The following PLEC variants were observed in gnomAD, a reference collection of about 807,000 sequenced individuals.
PLEC encodes hemidesmosomal protein 1.
A neutral mutation model predicts 392.8 loss-of-function variants in PLEC; 216 were observed. The ratio of observed to expected loss-of-function variants is 0.55; its 90% CI spans 0.49 to 0.62. PLEC has a LOEUF of 0.62. Ranked by LOEUF, PLEC falls within the 20% of genes least tolerant of loss-of-function variation. The probability of loss-of-function intolerance (pLI) is 0.00; values close to 1 mark genes in which losing one functional copy is unlikely to be tolerated. For missense variants in PLEC, 6,863 were observed against 6,563.4 expected (o/e 1.05, Z -1.58); for synonymous variants, 3,621 against 2,980.6 (o/e 1.21, Z -7.00).
exon 1 of PLEC, chr8:143,950,378 G>A (rs782141904): frequency 6.3e-7 from 1 of 1,597,518 alleles, no homozygotes. Context: ...GGTGCGGCGT[G>A]CGGGCATCAC....
chr8:143,945,517 C>A (rs560844445), intron 1 of PLEC, among the ~76,000 whole-genome samples: 4 of 152,332 alleles, frequency 2.6e-5, no homozygotes, highest in South Asian at 2.1e-4. Flanking sequence ...GCTGGGCGCA[C>A]CCCTCAGGCC....
rs185859960 is a variant in PLEC at position 143,929,155 on chromosome 8, T to C, written c.3208A>G (p.Thr1070Ala). The C allele has an allele frequency of 6.5e-5, 104 of 1,593,136 alleles. No homozygotes were observed. In the African/African-American group the frequency reaches 1.2e-3, roughly 19 times the overall value. ...CGGACCTGCTCCAGCTTGCCCAGCGTCAGCTCCAGCTCCGAGCGCAGCGTG... is the reference window on the plus strand; with the variant it reads ...CGGACCTGCTCCAGCTTGCCCAGCGCCAGCTCCAGCTCCGAGCGCAGCGTG... ...APTLRSELEL[T>A]LGKLEQVRSL... Residue 1070 changes from threonine (T) to alanine (A), a missense_variant, in exon 25 of 32, where the codon ACG becomes GCG. By Grantham distance (58) the Thr-to-Ala change is moderately conservative. Transcript: ENST00000345136.
chr8:143,918,642 G>A lies in PLEC; in HGVS notation c.11179C>T (p.Gln3727Ter). 6.2e-7 allele frequency: 1 copy of A among 1,612,868 alleles called. No individual in the cohort carries two copies. Among genetic ancestry groups the A allele is most frequent in the Non-Finnish European group, 8.5e-7 (1 of 1,180,020 alleles). The change falls in exon 32 of 32, where the codon CAG becomes TAG. Residue 3727 changes from glutamine to a stop codon, truncating the protein, a stop_gained. Coordinates refer to ENST00000345136, the MANE Select transcript of PLEC (RefSeq NM_201384.3). LOFTEE classifies it high-confidence loss of function. ...TCCAGCAGGAAGCCTGTGGCTGCCT[G>A]TGCCTCCAGCAGCAGGCGGGCCACC... Reference protein sequence around the residue: ...AEVARLLLEAQAATGFLLDPV... With the variant: ...AEVARLLLEA
At position 143,923,395 on chromosome 8, in the gene PLEC, C is replaced by T. The variant is rs782494764; in HGVS notation, c.6534G>A (p.Leu2178=). ...CCTGCTCCACCTGCGCCTTCTGCCG[C>T]AGCGTCTGCTCGGCGAATTTCTTAT... ...EKHKKFAEQT[L]RQKAQVEQEL... Residue 2178 remains leucine (L), a synonymous_variant, in exon 31 of 32, where the codon CTG becomes CTA. Transcript: ENST00000345136. 4.3e-6 allele frequency: 7 copies of T among 1,610,800 alleles called. No homozygotes were observed. The highest frequency in any genetic ancestry group is 1.7e-5 in the Admixed American group (1 of 59,938).
intron 1 of PLEC, among the ~76,000 whole-genome samples, chr8:143,966,517 G>C (rs1270158346): frequency 1.3e-5 from 2 of 152,210 alleles, no homozygotes; most frequent in Non-Finnish European, 2.9e-5. Flanking sequence ...CACCACGGGG[G>C]ACTCCTCAGC....
intron 1 of PLEC, among the ~76,000 whole-genome samples, chr8:143,964,878 C>T (rs888049593): frequency 5.9e-5 from 9 of 152,298 alleles, no homozygotes; most frequent in African/African-American, 2.2e-4. Context: ...ATTTGAAAAA[C>T]AGAGCAGAAT....
At position 143,924,975 on chromosome 8, in the gene PLEC, C is replaced by T. The variant is rs2855763; in HGVS notation, c.4954G>A (p.Ala1652Thr). ...LRLRLQAEEV[A>T]QQKSLAQAEA... ...GCCTGCGCCAGGCTCTTCTGCTGCG[C>T]CACCTCCTCCGCCTGCAGCCGCAGC... is the stretch of plus-strand genomic sequence containing the variant. The change falls in exon 31 of 32, where the codon GCG becomes ACG. Residue 1652 changes from alanine to threonine, a missense_variant. Physicochemically the swap from Ala to Thr is moderately conservative, Grantham distance 58. Coordinates refer to ENST00000345136, the MANE Select transcript of PLEC (RefSeq NM_201384.3). 5 of 1,578,456 alleles carry T rather than the reference C, an allele frequency of 3.2e-6. No individual in the cohort carries two copies. In the African/African-American group the frequency reaches 6.7e-5, roughly 21 times the overall value.
At chr8:143,951,869 C>T (rs1206210100), upstream of PLEC, among the ~76,000 whole-genome samples, 1 of 152,050 alleles carries the variant, frequency 6.6e-6, no homozygotes, top group Non-Finnish European at 1.5e-5. Flanking sequence ...TCATCCACCC[C>T]CCCCTCCCCG....
Position 143,918,862 on chromosome 8 carries a change from G to A in PLEC, c.10959C>T (p.Phe3653=), listed in dbSNP as rs373814127. The change falls in exon 32 of 32, where the codon TTC becomes TTT. Residue 3653 remains phenylalanine, a synonymous_variant. Coordinates refer to ENST00000345136, the MANE Select transcript of PLEC (RefSeq NM_201384.3). The stretch of plus-strand genomic sequence containing the variant: ...TCTCGAGAGAGATGATCCGAGCCTC[G>A]AACAGGTCCTCAGCCGTGAGGCGGC... The part of the protein sequence containing the change: ...VRRRLTAEDL[F]EARIISLETY... 3.9e-5 allele frequency: 63 copies of A among 1,612,722 alleles called. No individual in the cohort carries two copies. The highest frequency in any genetic ancestry group is 2.3e-4 in the Admixed American group (14 of 59,998).
chr8:143,921,460 A>G lies in PLEC; in HGVS notation c.8361T>C (p.Ser2787=), dbSNP rs1460872698. ...YKDPYTGQQI[S]LFQAMQKGLI... Reference sequence around the variant, plus strand: ...GGCCCTTCTGCATGGCTTGGAAGAGAGAGATCTGCTGGCCAGTGTAGGGGT... The same window carrying G: ...GGCCCTTCTGCATGGCTTGGAAGAGGGAGATCTGCTGGCCAGTGTAGGGGT... The change falls in exon 32 of 32, where the codon TCT becomes TCC. Residue 2787 remains serine, a synonymous_variant. Transcript: ENST00000345136. The G allele has an allele frequency of 5.0e-6, 8 of 1,613,100 alleles. No homozygotes were observed. Among genetic ancestry groups the G allele is most frequent in the East Asian group, 2.2e-5 (1 of 44,868 alleles).
At position 143,922,261 on chromosome 8, in the gene PLEC, G is replaced by A; in HGVS notation, c.7560C>T (p.Phe2520=). The A allele has an allele frequency of 1.2e-6, 2 of 1,600,530 alleles. No homozygotes were observed. Among genetic ancestry groups the A allele is most frequent in the Non-Finnish European group, 1.7e-6 (2 of 1,176,364 alleles). The change falls in exon 32 of 32, where the codon TTC becomes TTT. Residue 2520 remains phenylalanine (F), a synonymous_variant. Transcript: ENST00000345136. ...GCTGTGCCTTGGCCACCTCGTCCTG[G>A]AAGAGCTGCTCCAGCTTGGCCTTCT... ...EQEKAKLEQL[F]QDEVAKAQQL...
In PLEC at chr8:143,916,594, G is replaced by A. The variant is rs527451536; in HGVS notation, c.13227C>T (p.Asp4409=). The A allele has an allele frequency of 2.1e-5, 34 of 1,610,630 alleles. No individual in the cohort carries two copies. The highest frequency in any genetic ancestry group is 1.7e-4 in the Middle Eastern group (1 of 6,056). ...EPDTPGRVPL[D]EALQRGTVDA... ...CCACCGTGCCGCGCTGCAGGGCCTCGTCCAGGGGCACGCGGCCCGGCGTGT... is the reference window on the plus strand; with the variant it reads ...CCACCGTGCCGCGCTGCAGGGCCTCATCCAGGGGCACGCGGCCCGGCGTGT... Residue 4409 remains aspartate (D), a synonymous_variant, in exon 32 of 32, where the codon GAC becomes GAT. Coordinates refer to ENST00000345136, the MANE Select transcript of PLEC (RefSeq NM_201384.3).
intron 1 of PLEC, among the ~76,000 whole-genome samples, chr8:143,949,118 C>G (rs1831831312): frequency 6.6e-6 from 1 of 152,246 alleles, no homozygotes; most frequent in Non-Finnish European, 1.5e-5. Flanking sequence ...TCACCCCAGG[C>G]CAGCCAGCAC....
upstream of PLEC, among the ~76,000 whole-genome samples, chr8:143,952,208 A>G (rs554799884): frequency 0.09 from 11,827 of 130,938 alleles, 513 homozygotes; most frequent in Middle Eastern, 0.17. Context: ...ACACACACAC[A>G]CGCGCGCACA....
At position 143,928,104 on chromosome 8, in the gene PLEC, C is replaced by T. The variant is rs1025700727; in HGVS notation, c.3261-112G>A. 2.7e-5 allele frequency: 37 copies of T among 1,345,808 alleles called. No homozygotes were observed. The Admixed American group carries it at 8.6e-4, about 31-fold the overall frequency. 83.4% of individuals were successfully genotyped at this position (1,345,808 alleles called of 1,614,324 possible). Reference sequence around the variant, plus strand: ...TGCTGCCTGCCAAGCCCAGACCCAACCCTGGGGGTCAGCTGACCCTGTGGT... The same window carrying T: ...TGCTGCCTGCCAAGCCCAGACCCAATCCTGGGGGTCAGCTGACCCTGTGGT... On this transcript the variant is annotated intron_variant, in intron 25 of 31. Coordinates refer to ENST00000345136, the MANE Select transcript of PLEC (RefSeq NM_201384.3).
In PLEC at chr8:143,933,252, CGTT is replaced by C; in HGVS notation, c.1360_1362del (p.Asn454del). 2 of 1,613,128 alleles carry C rather than the reference CGTT, an allele frequency of 1.2e-6. No individual in the cohort carries two copies. The highest frequency in any genetic ancestry group is 8.5e-7 in the Non-Finnish European group (1 of 1,179,982). On this transcript the variant is annotated inframe_deletion, in exon 13 of 32. Coordinates refer to ENST00000345136, the MANE Select transcript of PLEC (RefSeq NM_201384.3). ...CGTCCATCCTTGAGGGTCTGCACGT[CGTT>C]GAAGAGCAGCCGGATCATGCTATCC...
chr8:143,921,213 G>T lies in PLEC; in HGVS notation c.8608C>A (p.Arg2870Ser). The T allele has an allele frequency of 6.2e-7, 1 of 1,614,044 alleles. No individual in the cohort carries two copies. Among genetic ancestry groups the T allele is most frequent in the East Asian group, 2.2e-5 (1 of 44,880 alleles). The part of the protein sequence containing the change: ...ENLTYLQLLE[R>S]CVEDPETGLC... ...CCCGTCTCGGGGTCCTCCACGCAGC[G>T]CTCCAGTAGCTGCAGGTACGTGAGG... The change falls in exon 32 of 32, where the codon CGC (arginine) becomes AGC (serine). Residue 2870 changes from arginine to serine, a missense_variant. Coordinates refer to ENST00000345136, the MANE Select transcript of PLEC (RefSeq NM_201384.3).
rs181255811 is a variant in PLEC, at chr8:143,926,245, G to A, written c.4045-361C>T. On this transcript the variant is annotated intron_variant, in intron 30 of 31. Transcript: ENST00000345136. ...AGCTCTGCTGGACACCAGTGGGCCT[G>A]GCTCCCACCACTGGACCCCTCTCCC... Among the ~76,000 whole-genome samples, 46 of 152,344 alleles carry A rather than the reference G, an allele frequency of 3.0e-4. 1 individual carries two copies. In the East Asian group the frequency reaches 7.9e-3, roughly 26 times the overall value.
chr8:143,970,433 C>T (rs1429921899), intron 1 of PLEC, among the ~76,000 whole-genome samples: 1 of 152,152 alleles, frequency 6.6e-6, no homozygotes, highest in Non-Finnish European at 1.5e-5. Context: ...GATTTGGCCG[C>T]CCCTTTACAG....
Sources: allele counts gnomAD v4.1 joint callset (sites outside exome capture counted in the v4.1 genomes callset), GRCh38; gene constraint gnomAD v4.1.1; transcripts MANE v1.5; gene names NCBI Gene and HGNC (gene_info 2026-07-23, HGNC 2026-07-21).